Variants in KCNIP1 observed in about 807,000 individuals in gnomAD.
KCNIP1 encodes the protein A-type potassium channel modulatory protein KCNIP1.
KCNIP1 carries 18 observed loss-of-function variants against 33.0 expected under a neutral mutation model. The ratio of observed to expected loss-of-function variants is 0.55; its 90% CI spans 0.38 to 0.81. The LOEUF is 0.81. Ranked by LOEUF, KCNIP1 falls within the 30% of genes least tolerant of loss-of-function variation. The probability of loss-of-function intolerance (pLI) is 0.00; values close to 1 mark genes in which losing one functional copy is unlikely to be tolerated. For synonymous variants in KCNIP1, 93 were observed against 98.3 expected, an observed-to-expected ratio of 0.95 and a Z score of 0.32; for missense variants, 238 against 271.6, an observed-to-expected ratio of 0.88 and a Z score of 0.87.
intron 1 of KCNIP1, among the ~76,000 whole-genome samples, chr5:170,677,474 T>C (rs1762189857): frequency 6.6e-6 from 1 of 152,220 alleles, no homozygotes; most frequent in African/African-American, 2.4e-5. Context: ...CTTTTGGAGC[T>C]TGAGTGACTT....
intron 1 of KCNIP1, among the ~76,000 whole-genome samples, chr5:170,624,605 G>A (rs1337853299): frequency 6.6e-6 from 1 of 151,730 alleles, no homozygotes; most frequent in African/African-American, 2.4e-5. Flanking sequence ...CAATTAAAAT[G>A]TCAATCTCAC....
chr5:170,654,947 A>G (rs900994054), intron 1 of KCNIP1, among the ~76,000 whole-genome samples: 3 of 152,236 alleles, frequency 2.0e-5, no homozygotes, highest in African/African-American at 7.2e-5. Flanking sequence ...GGAGTTTGCC[A>G]ATCTTAAATT....
At chr5:170,580,797 T>A (rs1202045783) in intron 1 of KCNIP1, among the ~76,000 whole-genome samples, 2 of 152,102 alleles carry the variant, frequency 1.3e-5, no homozygotes, top group South Asian at 4.1e-4. Flanking sequence ...CCTCTATGGG[T>A]CCAAGAGTTA....
intron 1 of KCNIP1, among the ~76,000 whole-genome samples, chr5:170,658,026 G>C (rs1761335602): frequency 1.3e-5 from 2 of 152,186 alleles, no homozygotes; most frequent in Admixed American, 1.3e-4. Context: ...CCTAGAGGGA[G>C]GAGGTATTAC....
At chr5:170,625,483 C>G (rs113230996) in intron 1 of KCNIP1, among the ~76,000 whole-genome samples, 34 of 152,338 alleles carry the variant, frequency 2.2e-4, no homozygotes, top group African/African-American at 7.9e-4. Context: ...TGGGCTGTGA[C>G]CTGCGGGGGC....
chr5:170,579,460 C>A (rs1757717274), intron 1 of KCNIP1, among the ~76,000 whole-genome samples: 1 of 152,142 alleles, frequency 6.6e-6, no homozygotes, highest in African/African-American at 2.4e-5. Flanking sequence ...AAGAATGGCC[C>A]TGCCCCTCTA....
intron 1 of KCNIP1, among the ~76,000 whole-genome samples, chr5:170,370,780 C>T (rs1370240726): frequency 1.3e-5 from 2 of 152,204 alleles, no homozygotes; most frequent in Non-Finnish European, 2.9e-5. Flanking sequence ...ACAGCTCAGA[C>T]TGCTTCAAAC....
At chr5:170,676,478 T>C (rs1207101772) in intron 1 of KCNIP1, among the ~76,000 whole-genome samples, 1 of 152,240 alleles carries the variant, frequency 6.6e-6, no homozygotes, top group Non-Finnish European at 1.5e-5. Flanking sequence ...GATGGTGCTC[T>C]GAGGAGTTCT....
chr5:170,516,517 A>G (rs1755128104), intron 1 of KCNIP1, among the ~76,000 whole-genome samples: 1 of 152,208 alleles, frequency 6.6e-6, no homozygotes, highest in African/African-American at 2.4e-5. Context: ...GGATTCCTTA[A>G]TTAGAATTCA....
chr5:170,429,327 A>T (rs1755688938), intron 1 of KCNIP1, among the ~76,000 whole-genome samples: 1 of 152,042 alleles, frequency 6.6e-6, no homozygotes, highest in African/African-American at 2.4e-5. Context: ...ACGGCATTGG[A>T]GGCTCACCAC....
chr5:170,708,008 C>T (rs1305762516), intron 1 of KCNIP1, among the ~76,000 whole-genome samples: 1 of 152,046 alleles, frequency 6.6e-6, no homozygotes, highest in African/African-American at 2.4e-5. Context: ...CTCAGCTGAG[C>T]ACTCCTGGGG....
At chr5:170,354,256 T>G (rs922685546) in intron 1 of KCNIP1, among the ~76,000 whole-genome samples, 1 of 152,182 alleles carries the variant, frequency 6.6e-6, no homozygotes, top group Non-Finnish European at 1.5e-5. Context: ...TTCCAGAGCA[T>G]TGGAAGTGGC....
At chr5:170,549,095 T>G (rs1756513540) in intron 1 of KCNIP1, among the ~76,000 whole-genome samples, 1 of 152,110 alleles carries the variant, frequency 6.6e-6, no homozygotes, top group Admixed American at 6.6e-5. Flanking sequence ...CCATGTCCAC[T>G]GGAGCCTGGG....
chr5:170,402,081 T>C (rs1263236804), intron 1 of KCNIP1, among the ~76,000 whole-genome samples: 2 of 152,162 alleles, frequency 1.3e-5, no homozygotes. Context: ...GCCTCTGTCT[T>C]CATGTGGCCT....
chr5:170,498,543 G>A (rs1161471771), intron 1 of KCNIP1, among the ~76,000 whole-genome samples: 1 of 152,158 alleles, frequency 6.6e-6, no homozygotes, highest in East Asian at 1.9e-4. Flanking sequence ...TAGCCTGAAT[G>A]CAATTTGCAA....
At chr5:170,576,022 T>C (rs1757591886) in intron 1 of KCNIP1, among the ~76,000 whole-genome samples, 3 of 152,204 alleles carry the variant, frequency 2.0e-5, no homozygotes. Flanking sequence ...ATAAAAATCA[T>C]TTATTCTGCT....
chr5:170,359,311 T>C (rs1409923534), intron 1 of KCNIP1, among the ~76,000 whole-genome samples: 1 of 152,104 alleles, frequency 6.6e-6, no homozygotes, highest in Non-Finnish European at 1.5e-5. Flanking sequence ...CAGGCTGGAA[T>C]TGAGGTGTTG....
At chr5:170,694,203 T>C (rs1016698532) in intron 1 of KCNIP1, among the ~76,000 whole-genome samples, 2 of 152,192 alleles carry the variant, frequency 1.3e-5, no homozygotes, top group Non-Finnish European at 2.9e-5. Context: ...TAAAAATAAA[T>C]TAATAATAGA....
chr5:170,729,180 A>T (rs927798579), intron 5 of KCNIP1, among the ~76,000 whole-genome samples: 1 of 152,108 alleles, frequency 6.6e-6, no homozygotes, highest in Non-Finnish European at 1.5e-5. Context: ...TCATATGTGA[A>T]TATCTGATCA....
Sources: allele counts gnomAD v4.1 joint callset (sites outside exome capture counted in the v4.1 genomes callset), GRCh38; gene constraint gnomAD v4.1.1; transcripts MANE v1.5; gene names NCBI Gene and HGNC (gene_info 2026-07-23, HGNC 2026-07-21).